DNAJC3: variants seen among roughly 807,000 people sequenced by gnomAD.
DNAJC3 encodes the protein DnaJ heat shock protein family (Hsp40) member C3, also known as dnaJ homolog subfamily C member 3.
A neutral mutation model predicts 68.6 loss-of-function variants in DNAJC3; 38 were observed. That is an observed-to-expected ratio of 0.55 (90% CI 0.43 to 0.73). DNAJC3 has a LOEUF of 0.73. Ranked by LOEUF, DNAJC3 falls within the 30% of genes least tolerant of loss-of-function variation. The pLI is 0.00. For synonymous variants in DNAJC3, 203 were observed against 204.0 expected (o/e 1.00, Z 0.04); for missense variants, 526 against 591.9 (o/e 0.89, Z 1.16).
At chr13:95,759,651 T>C (rs543584766) in intron 5 of DNAJC3, among the ~76,000 whole-genome samples, 1 of 152,338 alleles carries the variant, frequency 6.6e-6, no homozygotes, top group South Asian at 2.1e-4. Context: ...ATTAGAATTG[T>C]TGATTAAGTA....
chr13:95,786,973 T>C (rs753246719), intron 10 of DNAJC3, 34 bp from the exon 11 acceptor site: 22 of 1,586,720 alleles, frequency 1.4e-5, no homozygotes, highest in Middle Eastern at 1.8e-4. Context: ...TAGACACTTT[T>C]CCACTAATGA....
chr13:95,784,313 A>G (rs550123147), intron 9 of DNAJC3, among the ~76,000 whole-genome samples: 1 of 152,288 alleles, frequency 6.6e-6, no homozygotes, highest in African/African-American at 2.4e-5. Context: ...GACTCAGCAT[A>G]TAGTTGTACT....
intron 2 of DNAJC3, among the ~76,000 whole-genome samples, chr13:95,717,844 T>C (rs756657841): frequency 2.0e-5 from 3 of 152,176 alleles, no homozygotes; most frequent in Non-Finnish European, 4.4e-5. Context: ...TTTAAAAAAA[T>C]ACCCAGTCTT....
intron 1 of DNAJC3, among the ~76,000 whole-genome samples, chr13:95,701,162 T>TG (rs1352828852): frequency 6.6e-6 from 1 of 152,182 alleles, no homozygotes; most frequent in Non-Finnish European, 1.5e-5. Flanking sequence ...TCCGCGATGA[T>TG]GGGAGATATT....
intron 1 of DNAJC3, among the ~76,000 whole-genome samples, chr13:95,682,624 G>A (rs1296020425): frequency 6.6e-6 from 1 of 152,082 alleles, no homozygotes; most frequent in Non-Finnish European, 1.5e-5. Flanking sequence ...TGTCTAAGGA[G>A]AAACCTATTG....
At position 95,757,799 on chromosome 13, in the gene DNAJC3, A is replaced by G. The variant is rs781589928; in HGVS notation, c.546+3A>G. ...CCTTCCTTGATAAGATTTTAGAGGT[A>G]AGTTTCTTAGATACTGCAGTTGACC... is the stretch of plus-strand genomic sequence containing the variant. On this transcript the variant is annotated splice_donor_region_variant and intron_variant, in intron 5 of 11. Coordinates refer to ENST00000602402, the MANE Select transcript of DNAJC3 (RefSeq NM_006260.5). 5.4e-5 allele frequency: 83 copies of G among 1,535,392 alleles called. No homozygotes were observed. Among genetic ancestry groups the G allele is most frequent in the Non-Finnish European group, 7.3e-5 (82 of 1,123,662 alleles).
At chr13:95,680,668 T>C (rs977787452) in intron 1 of DNAJC3, among the ~76,000 whole-genome samples, 1 of 152,210 alleles carries the variant, frequency 6.6e-6, no homozygotes, top group African/African-American at 2.4e-5. Context: ...GGAAATGCAG[T>C]GGTTTTCATT....
At position 95,760,116 on chromosome 13, in the gene DNAJC3, T is replaced by C. The variant is rs200404124; in HGVS notation, c.623T>C (p.Ile208Thr). ...FIKEGEPRKA[I>T]SDLKAASKLK... ...AAAGAAGGAGAACCTAGGAAAGCTA[T>C]AAGTGACTTAAAAGCTGCGTCAAAG... The change falls in exon 6 of 12, where the codon ATA becomes ACA. Residue 208 changes from isoleucine to threonine, a missense_variant. Transcript: ENST00000602402. 17 of 1,613,122 alleles carry C rather than the reference T, an allele frequency of 1.1e-5. No homozygotes were observed. In the East Asian group the frequency reaches 3.8e-4, roughly 36 times the overall value.
chr13:95,720,775 G>C (rs1443048591), intron 2 of DNAJC3, among the ~76,000 whole-genome samples: 1 of 151,902 alleles, frequency 6.6e-6, no homozygotes, highest in African/African-American at 2.4e-5. Context: ...ACGCTTAGCT[G>C]GGATCATATA....
chr13:95,793,375 G>A lies in DNAJC3; in HGVS notation c.*2345G>A, dbSNP rs1406161565. On this transcript the variant is annotated 3_prime_UTR_variant, in exon 12 of 12. Coordinates refer to ENST00000602402, the MANE Select transcript of DNAJC3 (RefSeq NM_006260.5). ...TGTGACTGAGAAGCAGCCTGGGTGT[G>A]TAAAGAGATAGTCATTCCCCCTGCC... The A allele has an allele frequency of 1.5e-5, 1 of 65,864 alleles. No homozygotes were observed. Among genetic ancestry groups the A allele is most frequent in the Non-Finnish European group, 4.2e-5 (1 of 23,922 alleles). The allele number at this position is 65,864 out of a possible 1,614,324, so 4.1% of individuals were successfully genotyped here.
chr13:95,752,390 T>A (rs1286662213), intron 4 of DNAJC3, among the ~76,000 whole-genome samples: 2 of 152,228 alleles, frequency 1.3e-5, no homozygotes, highest in African/African-American at 4.8e-5. Flanking sequence ...TTTCACATAT[T>A]TGCAAATTTT....
At chr13:95,757,620 C>G in intron 4 of DNAJC3, 24 bp from the exon 5 acceptor site, 1 of 1,527,310 alleles carries the variant, frequency 6.5e-7, no homozygotes, top group Non-Finnish European at 8.9e-7. Flanking sequence ...AAAAACTCTG[C>G]TTAGTTTTTT....
chr13:95,686,186 C>T (rs1880070320), intron 1 of DNAJC3, among the ~76,000 whole-genome samples: 1 of 152,104 alleles, frequency 6.6e-6, no homozygotes, highest in Non-Finnish European at 1.5e-5. Flanking sequence ...TGGTCTTGAT[C>T]TCCCGACCTT....
Position 95,760,030 on chromosome 13 carries a change from G to A in DNAJC3, c.547-10G>A, listed in dbSNP as rs368958468. On this transcript the variant is annotated splice_polypyrimidine_tract_variant and intron_variant, in intron 5 of 11. Coordinates refer to ENST00000602402, the MANE Select transcript of DNAJC3 (RefSeq NM_006260.5). ...TTCTTTCTTAAAGTCTAGTTCTTTTGTTCCTCAAGGTTTGTGTTTGGGATG... is the reference window on the plus strand; with the variant it reads ...TTCTTTCTTAAAGTCTAGTTCTTTTATTCCTCAAGGTTTGTGTTTGGGATG... 3.2e-6 allele frequency: 5 copies of A among 1,561,336 alleles called. No individual in the cohort carries two copies. The Middle Eastern group carries it at 6.9e-4, about 216-fold the overall frequency.
intron 4 of DNAJC3, chr13:95,745,708 C>T (rs927238733): frequency 6.6e-6 from 1 of 152,198 alleles, no homozygotes; most frequent in South Asian, 2.1e-4. Flanking sequence ...CCCTATAGCC[C>T]TCATATGCTG....
rs1294061819 is a variant in DNAJC3 at position 95,740,374 on chromosome 13, G to T, written c.393+15122G>T. Among the ~76,000 whole-genome samples the T allele has an allele frequency of 3.9e-4, 60 of 151,972 alleles. No homozygotes were observed. The South Asian group carries it at 8.5e-3, about 22-fold the overall frequency. Reference sequence around the variant, plus strand: ...CTTCCCGGCTGCTTTGTTTACCTAAGCAAGCCTGGGCAATGGCGGGCGCCC... The same window carrying T: ...CTTCCCGGCTGCTTTGTTTACCTAATCAAGCCTGGGCAATGGCGGGCGCCC... On this transcript the variant is annotated intron_variant, in intron 4 of 11. Transcript: ENST00000602402.
At chr13:95,756,803 T>G (rs773933172) in intron 4 of DNAJC3, among the ~76,000 whole-genome samples, 21 of 152,112 alleles carry the variant, frequency 1.4e-4, no homozygotes, top group Non-Finnish European at 2.4e-4. Flanking sequence ...CTACCTGGTT[T>G]TCTGAGATAA....
chr13:95,754,464 C>T (rs1882589269), intron 4 of DNAJC3, among the ~76,000 whole-genome samples: 1 of 152,100 alleles, frequency 6.6e-6, no homozygotes, highest in African/African-American at 2.4e-5. Flanking sequence ...AACTTTTATA[C>T]TGCAAAACAA....
intron 1 of DNAJC3, among the ~76,000 whole-genome samples, chr13:95,700,959 G>T (rs1388542997): frequency 6.6e-6 from 1 of 152,188 alleles, no homozygotes; most frequent in Non-Finnish European, 1.5e-5. Context: ...AGAGCTAGCT[G>T]AAATACTAGA....
Sources: gnomAD v4.1 joint callset for allele counts (sites outside exome capture counted in the v4.1 genomes callset) on GRCh38, gnomAD v4.1.1 for gene constraint, MANE v1.5 for transcripts, NCBI Gene and HGNC (gene_info 2026-07-23, HGNC 2026-07-21) for gene names.